PALLD: variants seen among roughly 807,000 people sequenced by gnomAD.
The protein encoded by PALLD is palladin, cytoskeletal associated protein, also known as palladin.
A neutral mutation model predicts 123.5 loss-of-function variants in PALLD; 61 were observed. The observed-to-expected ratio is 0.49, with a 90% CI of 0.40 to 0.61. The LOEUF is 0.61. PALLD is among the 20% of genes least tolerant of loss of function. The pLI is 0.00. For missense variants in PALLD, 1,273 were observed against 1,377.0 expected, an observed-to-expected ratio of 0.92 and a Z score of 1.20; for synonymous variants, 465 against 496.4, an observed-to-expected ratio of 0.94 and a Z score of 0.84.
chr4:168,749,590 G>A (rs1730765867), intron 10 of PALLD, among the ~76,000 whole-genome samples: 1 of 152,142 alleles, frequency 6.6e-6, no homozygotes, highest in East Asian at 1.9e-4. Context: ...TGTAATCCCA[G>A]ATACTCAGAA....
intron 10 of PALLD, among the ~76,000 whole-genome samples, chr4:168,757,499 TA>T (rs1732052008): frequency 1.3e-5 from 2 of 152,250 alleles, no homozygotes; most frequent in Non-Finnish European, 2.9e-5. Context: ...TTAAATCTAT[TA>T]TGAGAACAAC....
intron 2 of PALLD, among the ~76,000 whole-genome samples, chr4:168,605,943 T>A (rs1333545502): frequency 6.6e-6 from 1 of 152,200 alleles, no homozygotes; most frequent in African/African-American, 2.4e-5. Context: ...CCCAATTTTT[T>A]TTTAGGGCAA....
chr4:168,679,358 GAGTATGGA>G, intron 3 of PALLD, among the ~76,000 whole-genome samples: 1 of 121,454 alleles, frequency 8.2e-6, no homozygotes, highest in African/African-American at 3.3e-5. Context: ...GTGGTGGGGT[GAGTATGGA>G]TGTGTGTGGG....
chr4:168,577,070 G>A (rs144493225), intron 2 of PALLD, among the ~76,000 whole-genome samples: 269 of 152,180 alleles, frequency 1.8e-3, no homozygotes, highest in Middle Eastern at 6.8e-3. Context: ...TCATGAATCC[G>A]GCAGGCTCGA....
intron 10 of PALLD, among the ~76,000 whole-genome samples, chr4:168,734,034 C>T (rs1787478506): frequency 6.6e-6 from 1 of 152,164 alleles, no homozygotes; most frequent in Non-Finnish European, 1.5e-5. Flanking sequence ...CCACGCCCGG[C>T]CACAGAAATG....
At chr4:168,897,075 C>T (rs1755362993) in intron 13 of PALLD, among the ~76,000 whole-genome samples, 1 of 152,328 alleles carries the variant, frequency 6.6e-6, no homozygotes, top group Non-Finnish European at 1.5e-5. Flanking sequence ...AGGTGATCCA[C>T]CCGCCTTGGC....
rs181139537 is a variant in PALLD at position 168,896,934 on chromosome 4, C to T, written c.2250+335C>T. Among the ~76,000 whole-genome samples the T allele has an allele frequency of 8.7e-3, 1,325 of 152,148 alleles. 15 individuals are homozygous for T. The highest frequency in any genetic ancestry group is 0.03 in the African/African-American group (1,245 of 41,510). ...GCAACCTCTGTCTCCTGGGTTCAAG[C>T]GATTCTCCTGCCTCAGCCTCCCAAG... On this transcript the variant is annotated intron_variant, in intron 13 of 21. Transcript: ENST00000505667.
chr4:168,678,947 G>GGT (rs990376507), intron 3 of PALLD, among the ~76,000 whole-genome samples: 3 of 147,380 alleles, frequency 2.0e-5, no homozygotes, highest in East Asian at 2.0e-4. Flanking sequence ...GGGTGTGTGT[G>GGT]GTGTGTGTGT....
intron 10 of PALLD, among the ~76,000 whole-genome samples, chr4:168,872,552 T>C (rs555993746): frequency 6.6e-6 from 1 of 152,260 alleles, no homozygotes; most frequent in Non-Finnish European, 1.5e-5. Context: ...TGGTACTTTG[T>C]AGAAAATCCA....
chr4:168,871,568 C>T (rs1216477203), intron 10 of PALLD, among the ~76,000 whole-genome samples: 5 of 152,050 alleles, frequency 3.3e-5, no homozygotes, highest in Non-Finnish European at 5.9e-5. Flanking sequence ...TAGGAACAGT[C>T]GGTATTAATT....
chr4:168,780,562 T>C (rs948304547), intron 10 of PALLD, among the ~76,000 whole-genome samples: 1 of 152,256 alleles, frequency 6.6e-6, no homozygotes, highest in Non-Finnish European at 1.5e-5. Flanking sequence ...TCCTGCCTCA[T>C]CCTTTTCCTT....
chr4:168,693,045 C>T (rs372318648), intron 8 of PALLD, among the ~76,000 whole-genome samples: 2 of 151,920 alleles, frequency 1.3e-5, no homozygotes, highest in Non-Finnish European at 2.9e-5. Flanking sequence ...ACATCTCCCC[C>T]GCACCCTGCG....
intron 2 of PALLD, among the ~76,000 whole-genome samples, chr4:168,595,554 A>C (rs1423459678): frequency 6.6e-6 from 1 of 152,180 alleles, no homozygotes; most frequent in African/African-American, 2.4e-5. Flanking sequence ...TTTTAGTGCC[A>C]AAACCATCCC....
rs116095228 is a variant in PALLD at position 168,761,978 on chromosome 4, G to A, written c.1964+50055G>A. Among the ~76,000 whole-genome samples, 559 of 151,886 alleles carry A rather than the reference G, an allele frequency of 3.7e-3. 4 individuals are homozygous for A. Among genetic ancestry groups the A allele is most frequent in the African/African-American group, 0.013 (533 of 41,426 alleles). ...CCAAACTCAGTCTTATTTCCCTGTG[G>A]TTTTCATTTATAAGGGAAGAAAAGA... On this transcript the variant is annotated intron_variant, in intron 10 of 21. Coordinates refer to ENST00000505667, the MANE Select transcript of PALLD (RefSeq NM_001166108.2).
intron 2 of PALLD, among the ~76,000 whole-genome samples, chr4:168,570,590 A>T (rs990768846): frequency 6.6e-6 from 1 of 152,178 alleles, no homozygotes; most frequent in African/African-American, 2.4e-5. Flanking sequence ...TTATCTTCTG[A>T]GATAGGAATA....
intron 2 of PALLD, among the ~76,000 whole-genome samples, chr4:168,543,131 G>A (rs1765803234): frequency 6.6e-6 from 1 of 151,982 alleles, no homozygotes; most frequent in South Asian, 2.1e-4. Flanking sequence ...TGTCAGCTAG[G>A]ACCACTTCCT....
At chr4:168,676,582 A>G (rs1357757551) in intron 3 of PALLD, among the ~76,000 whole-genome samples, 2 of 149,826 alleles carry the variant, frequency 1.3e-5, no homozygotes, top group Non-Finnish European at 3.0e-5. Flanking sequence ...ATATATTTAA[A>G]AAAAAATTTT....
intron 2 of PALLD, among the ~76,000 whole-genome samples, chr4:168,522,770 G>C (rs1019475996): frequency 1.3e-5 from 2 of 152,072 alleles, no homozygotes; most frequent in African/African-American, 2.4e-5. Context: ...CAATAGAAAT[G>C]GTTCTTTCCT....
At position 168,927,100 on chromosome 4, in the gene PALLD, G is replaced by T. The variant is rs1762666510; in HGVS notation, c.*920G>T. On this transcript the variant is annotated 3_prime_UTR_variant, in exon 22 of 22. Transcript: ENST00000505667. ...AATTTAAATATAAATAATATAAAGT[G>T]CTCTGAATAAAGCAGAAATATATTA... is the stretch of plus-strand genomic sequence containing the variant. 4.5e-6 allele frequency: 1 copy of T among 223,676 alleles called. No individual in the cohort carries two copies. The highest frequency in any genetic ancestry group is 8.9e-6 in the Non-Finnish European group (1 of 111,824). The allele number at this position is 223,676 out of a possible 1,614,324, so 13.9% of individuals were successfully genotyped here.
Sources: allele counts gnomAD v4.1 joint callset (sites outside exome capture counted in the v4.1 genomes callset), GRCh38; gene constraint gnomAD v4.1.1; transcripts MANE v1.5; gene names NCBI Gene and HGNC (gene_info 2026-07-23, HGNC 2026-07-21).